GSN: variants seen among roughly 807,000 people sequenced by gnomAD.
GSN encodes gelsolin.
Under a neutral mutation model 85.7 loss-of-function variants are expected in GSN, and 56 were observed. The ratio of observed to expected loss-of-function variants is 0.65; its 90% CI spans 0.53 to 0.82. The LOEUF is 0.82. GSN is among the 40% of genes least tolerant of loss of function. The pLI, the probability that GSN is intolerant of heterozygous loss-of-function variation, is 0.00. For missense variants in GSN, 857 were observed against 979.8 expected (o/e 0.87, Z 1.67); for synonymous variants, 373 against 399.1 (o/e 0.93, Z 0.78).
chr9:121,282,501 G>A, intron 2 of GSN: 1 of 1,257,798 alleles, frequency 8.0e-7, no homozygotes, highest in South Asian at 3.8e-5. Context: ...CTTCCAGATG[G>A]TGACATGAGC....
At chr9:121,258,730 T>C (rs1198197374) in intron 6 of GSN, among the ~76,000 whole-genome samples, 3 of 152,144 alleles carry the variant, frequency 2.0e-5, no homozygotes, top group African/African-American at 7.2e-5. Flanking sequence ...TACAAGTTTT[T>C]TTTTTTTCCC....
chr9:121,246,264 G>GT (rs897349891), intron 5 of GSN, among the ~76,000 whole-genome samples: 48 of 149,686 alleles, frequency 3.2e-4, no homozygotes, highest in East Asian at 5.8e-4. Flanking sequence ...TAATAAAAAA[G>GT]TTTTTTTTTT....
At chr9:121,243,666 C>T (rs1358484535) in intron 5 of GSN, among the ~76,000 whole-genome samples, 1 of 152,210 alleles carries the variant, frequency 6.6e-6, no homozygotes, top group African/African-American at 2.4e-5. Flanking sequence ...TAACCTCTGC[C>T]TCCTGGGTTC....
chr9:121,329,499 G>A lies in GSN; in HGVS notation c.1965+184G>A, dbSNP rs1181886917. ...CTTCCATTTCCTCATCTGTAAACTGGGAGTGGCGGTACCTCCCTTGCAGAT... is the reference window on the plus strand; with the variant it reads ...CTTCCATTTCCTCATCTGTAAACTGAGAGTGGCGGTACCTCCCTTGCAGAT... On this transcript the variant is annotated intron_variant, in intron 16 of 17. Transcript: ENST00000432226. The surrounding 1 kb of genome is among the most constrained non-coding windows in gnomAD (Gnocchi z 4.6). Among the ~76,000 whole-genome samples, 1 of 152,134 alleles carries A rather than the reference G, an allele frequency of 6.6e-6. No individual in the cohort carries two copies. Among genetic ancestry groups the A allele is most frequent in the East Asian group, 1.9e-4 (1 of 5,196 alleles).
At chr9:121,206,927 C>T (rs150088601), upstream of GSN, among the ~76,000 whole-genome samples, 20 of 152,270 alleles carry the variant, frequency 1.3e-4, no homozygotes, top group African/African-American at 4.6e-4. Context: ...TTTAGATTCA[C>T]ACTCAGTGGG....
chr9:121,224,036 T>C (rs2054223902), intron 4 of GSN, among the ~76,000 whole-genome samples: 1 of 150,938 alleles, frequency 6.6e-6, no homozygotes, highest in African/African-American at 2.5e-5. Flanking sequence ...ATCTTTTCAG[T>C]ATTTGCCAGT....
Position 121,324,795 on chromosome 9 carries a change from ATG to A in GSN, c.1416+152_1416+153del. 4.5e-6 allele frequency: 3 copies of A among 670,272 alleles called. No homozygotes were observed. The South Asian group carries it at 4.7e-5, about 11-fold the overall frequency. The allele number at this position is 670,272 out of a possible 1,614,324, so 41.5% of individuals were successfully genotyped here. Reference sequence around the variant, plus strand: ...CATCCATCCATCCATCCATCCATCCATGGAACAGGTATTTATTTAGGGCTTCC... The same window carrying A: ...CATCCATCCATCCATCCATCCATCCAGAACAGGTATTTATTTAGGGCTTCC... On this transcript the variant is annotated intron_variant, in intron 12 of 17. Coordinates refer to ENST00000432226, the MANE Select transcript of GSN (RefSeq NM_198252.3).
chr9:121,213,335 C>G (rs1280567788), intron 4 of GSN, among the ~76,000 whole-genome samples: 1 of 152,194 alleles, frequency 6.6e-6, no homozygotes, highest in Non-Finnish European at 1.5e-5. Flanking sequence ...TGTATCCCTT[C>G]GTCTATTCTG....
chr9:121,235,172 T>A (rs1443006528), intron 5 of GSN, among the ~76,000 whole-genome samples: 3 of 152,168 alleles, frequency 2.0e-5, no homozygotes, highest in Non-Finnish European at 4.4e-5. Context: ...GCTTTAGCAA[T>A]CTCGCACCCA....
At chr9:121,331,300 C>T (rs545612958) in intron 16 of GSN, 88 bp from the exon 17 acceptor site, 260 of 794,766 alleles carry the variant, frequency 3.3e-4, no homozygotes, top group Non-Finnish European at 5.3e-4. Context: ...TTTGTCTGGT[C>T]TGATACCTGG....
rs1336462073 is a variant in GSN at position 121,299,011 on chromosome 9, A to G, written c.-9-2952A>G. ...AACAAAACAACTTCAGGAAGTAACAAGGGCTTGCTTAGAGACATGACGGTA... is the reference window on the plus strand; with the variant it reads ...AACAAAACAACTTCAGGAAGTAACAGGGGCTTGCTTAGAGACATGACGGTA... On this transcript the variant is annotated intron_variant, in intron 2 of 17. Coordinates refer to ENST00000432226, the MANE Select transcript of GSN (RefSeq NM_198252.3). This position sits in a 1 kb window ranked among gnomAD's most constrained non-coding sequence, Gnocchi z 4.2. Among the ~76,000 whole-genome samples the G allele has an allele frequency of 6.6e-6, 1 of 152,188 alleles. No homozygotes were observed. Among genetic ancestry groups the G allele is most frequent in the Non-Finnish European group, 1.5e-5 (1 of 68,036 alleles).
At chr9:121,301,886 A>G (rs1411748492) in intron 2 of GSN, 77 bp from the exon 3 acceptor site, 1 of 1,608,050 alleles carries the variant, frequency 6.2e-7, no homozygotes, top group African/African-American at 1.3e-5. Context: ...TGGTGCTAGA[A>G]ACCGCCCTCC....
chr9:121,286,077 T>C, intron 2 of GSN: 1 of 1,530,300 alleles, frequency 6.5e-7, no homozygotes. Context: ...TGAGTCCTAT[T>C]TATAGGCTGA....
At chr9:121,301,146 A>G (rs1030493945) in intron 2 of GSN, among the ~76,000 whole-genome samples, 2 of 152,198 alleles carry the variant, frequency 1.3e-5, no homozygotes, top group African/African-American at 4.8e-5. Context: ...AGATGCTGGA[A>G]GGAAGCAAGC....
rs2064014014 is a variant in GSN, at chr9:121,332,286, G to A, written c.2027-148G>A. The A allele has an allele frequency of 2.6e-6, 2 of 771,148 alleles. No homozygotes were observed. Among genetic ancestry groups the A allele is most frequent in the South Asian group, 2.8e-5 (2 of 71,340 alleles). The allele number at this position is 771,148 out of a possible 1,614,324, so 47.8% of individuals were successfully genotyped here. ...CGTGGGTATCATGCCTTTAAAGGAGGATGGTGCCCAGGGCAGGGGGTGGGC... is the reference window on the plus strand; with the variant it reads ...CGTGGGTATCATGCCTTTAAAGGAGAATGGTGCCCAGGGCAGGGGGTGGGC... On this transcript the variant is annotated intron_variant, in intron 17 of 17. Transcript: ENST00000432226. The surrounding 1 kb of genome is among the most constrained non-coding windows in gnomAD (Gnocchi z 4.8).
At chr9:121,321,902 T>G (rs759246446) in intron 11 of GSN, among the ~76,000 whole-genome samples, 77 of 152,070 alleles carry the variant, frequency 5.1e-4, no homozygotes, top group Admixed American at 1.7e-3. Context: ...CCACCATGCC[T>G]GGCTAATTTT....
chr9:121,227,707 C>A (rs919126974), intron 4 of GSN, among the ~76,000 whole-genome samples: 2 of 152,062 alleles, frequency 1.3e-5, no homozygotes, highest in Admixed American at 1.3e-4. Context: ...GGAAATACAC[C>A]CTCACATTGG....
At chr9:121,326,454 TAGA>T (rs370168875) in intron 12 of GSN, 55 bp from the exon 13 acceptor site, 4 of 1,425,180 alleles carry the variant, frequency 2.8e-6, no homozygotes, top group African/African-American at 2.8e-5. Flanking sequence ...CAGTGCGACA[TAGA>T]AGGACTGAAG....
chr9:121,239,429 C>T (rs2054559390), intron 5 of GSN: 4 of 406,190 alleles, frequency 9.8e-6, no homozygotes, highest in Non-Finnish European at 1.9e-5. Flanking sequence ...TCCATGTTTA[C>T]ATCCTTAGCA....
Sources: gnomAD v4.1 joint callset for allele counts (sites outside exome capture counted in the v4.1 genomes callset) on GRCh38, gnomAD v4.1.1 for gene constraint, Gnocchi (gnomAD v3.1) non-coding constraint, MANE v1.5 for transcripts, NCBI Gene and HGNC (gene_info 2026-07-23, HGNC 2026-07-21) for gene names.